The following KCNK9 variants were observed in gnomAD, a reference collection of about 807,000 sequenced individuals.
The protein encoded by KCNK9 is potassium channel subfamily K member 9.
KCNK9 carries 1 observed loss-of-function variant against 10.8 expected under a neutral mutation model. The ratio of observed to expected loss-of-function variants is 0.09; its 90% CI spans 0.03 to 0.44. The LOEUF (loss-of-function observed/expected upper bound fraction) is 0.44, where lower values mean the gene tolerates loss of function less well. Ranked by LOEUF, KCNK9 falls within the 20% of genes least tolerant of loss-of-function variation. The pLI, the probability that KCNK9 is intolerant of heterozygous loss-of-function variation, is 0.97. For missense variants in KCNK9, 303 were observed against 515.0 expected, an observed-to-expected ratio of 0.59 and a Z score of 3.98; for synonymous variants, 231 against 222.7, an observed-to-expected ratio of 1.04 and a Z score of -0.33.
At chr8:139,639,002 A>G (rs1250778128) in intron 1 of KCNK9, among the ~76,000 whole-genome samples, 3 of 151,430 alleles carry the variant, frequency 2.0e-5, no homozygotes, top group Non-Finnish European at 2.9e-5. Flanking sequence ...TTTCCTACCC[A>G]TGTCCCTCAT....
At chr8:139,651,090 T>C (rs2129674465) in intron 1 of KCNK9, among the ~76,000 whole-genome samples, 1 of 152,000 alleles carries the variant, frequency 6.6e-6, no homozygotes, top group East Asian at 1.9e-4. Context: ...TGTGGAAGAG[T>C]ACTGGGCTGC....
At chr8:139,687,486 A>ATATTCATATATATG (rs1816827645) in intron 1 of KCNK9, among the ~76,000 whole-genome samples, 5 of 68,156 alleles carry the variant, frequency 7.3e-5, no homozygotes, top group South Asian at 4.7e-4. Context: ...ATGTATACAT[A>ATATTCATATATATG]TATACACATA....
intron 1 of KCNK9, among the ~76,000 whole-genome samples, chr8:139,669,928 T>G (rs1225510873): frequency 6.6e-6 from 1 of 152,236 alleles, no homozygotes; most frequent in Non-Finnish European, 1.5e-5. Context: ...TTAGCAGGCA[T>G]GAAAACCTCA....
intron 1 of KCNK9, among the ~76,000 whole-genome samples, chr8:139,677,919 TACA>T (rs1213178105): frequency 0.011 from 1,624 of 147,618 alleles, 283 homozygotes; most frequent in African/African-American, 0.04. Flanking sequence ...TCCCCACAGC[TACA>T]GAGTAATACC....
rs1206689027 is a variant in KCNK9 at position 139,703,039 on chromosome 8, C to G, written c.-47G>C. 20 of 1,528,520 alleles carry G rather than the reference C, an allele frequency of 1.3e-5. No individual in the cohort carries two copies. The East Asian group carries it at 4.7e-4, about 36-fold the overall frequency. 94.7% of individuals were successfully genotyped at this position (1,528,520 alleles called of 1,614,324 possible). A position where few individuals can be genotyped will look rare whatever the true frequency, so the allele number is the denominator to read the frequency against. On this transcript the variant is annotated 5_prime_UTR_variant, in exon 1 of 2. Transcript: ENST00000520439. This position sits in a 1 kb window ranked among gnomAD's most constrained non-coding sequence, Gnocchi z 6.4. ...GCGGGGGGCATGTCCCGCAGGCTCACAGCCGCGCGCGTCCCACTGCAGCGC... is the reference window on the plus strand; with the variant it reads ...GCGGGGGGCATGTCCCGCAGGCTCAGAGCCGCGCGCGTCCCACTGCAGCGC...
intron 2 of KCNK9, among the ~76,000 whole-genome samples, chr8:139,603,162 A>G (rs1271786253): frequency 6.6e-6 from 1 of 152,234 alleles, no homozygotes; most frequent in African/African-American, 2.4e-5. Context: ...CATTATTTCC[A>G]TTAACAGGTA....
chr8:139,627,179 A>C (rs1417388873), intron 1 of KCNK9, among the ~76,000 whole-genome samples: 1 of 152,222 alleles, frequency 6.6e-6, no homozygotes, highest in Non-Finnish European at 1.5e-5. Context: ...GGAATGAAGC[A>C]GCCTCCTCCA....
chr8:139,695,524 AG>A (rs1363843194), intron 1 of KCNK9, among the ~76,000 whole-genome samples: 2 of 152,192 alleles, frequency 1.3e-5, no homozygotes, highest in Non-Finnish European at 2.9e-5. Context: ...TGACCTAAAA[AG>A]GGAGAGCTTT....
chr8:139,697,185 T>C (rs1158377631), intron 1 of KCNK9, among the ~76,000 whole-genome samples: 1 of 147,664 alleles, frequency 6.8e-6, no homozygotes, highest in East Asian at 2.1e-4. Context: ...GACAGATGGA[T>C]GGTGGATGGG....
chr8:139,625,051 C>A (rs1402645481), intron 1 of KCNK9, among the ~76,000 whole-genome samples: 1 of 152,224 alleles, frequency 6.6e-6, no homozygotes, highest in Non-Finnish European at 1.5e-5. Flanking sequence ...GCCCCCTCAC[C>A]TGGCCCCTCC....
intron 2 of KCNK9, among the ~76,000 whole-genome samples, chr8:139,602,815 C>G (rs911648158): frequency 1.3e-5 from 2 of 152,222 alleles, no homozygotes; most frequent in Non-Finnish European, 2.9e-5. Flanking sequence ...CCCCTGCAAG[C>G]TGGAACATCT....
At chr8:139,640,877 G>A (rs887043569) in intron 1 of KCNK9, among the ~76,000 whole-genome samples, 25 of 152,356 alleles carry the variant, frequency 1.6e-4, no homozygotes, top group Non-Finnish European at 2.2e-4. Context: ...GACGTGCACC[G>A]TCACTCGGAG....
intron 1 of KCNK9, among the ~76,000 whole-genome samples, chr8:139,691,072 G>A (rs1816924780): frequency 6.6e-6 from 1 of 152,100 alleles, no homozygotes; most frequent in Non-Finnish European, 1.5e-5. Flanking sequence ...AATCACACAC[G>A]GCACCCTTCC....
chr8:139,663,682 T>TGTGTGTGTGTGTG (rs1554624294), intron 1 of KCNK9, among the ~76,000 whole-genome samples: 22 of 145,826 alleles, frequency 1.5e-4, no homozygotes, highest in South Asian at 6.8e-4. Flanking sequence ...TGTGTGTGTG[T>TGTGTGTGTGTGTG]TAGAGAGAGA....
At chr8:139,612,238 T>C (rs1453433609), downstream of KCNK9, 2 of 152,266 alleles carry the variant, frequency 1.3e-5, no homozygotes, top group Non-Finnish European at 2.9e-5. Context: ...GAAAGGTTAC[T>C]TAGCCACAGC....
At chr8:139,690,782 G>T (rs1288198315) in intron 1 of KCNK9, among the ~76,000 whole-genome samples, 2 of 152,120 alleles carry the variant, frequency 1.3e-5, no homozygotes, top group Admixed American at 1.3e-4. Flanking sequence ...ATGACCTTGG[G>T]CAAGTCACCA....
chr8:139,689,957 A>G (rs142821634), intron 1 of KCNK9, among the ~76,000 whole-genome samples: 1 of 152,158 alleles, frequency 6.6e-6, no homozygotes, highest in Non-Finnish European at 1.5e-5. Flanking sequence ...GCCATCATTG[A>G]GCGAAAAACA....
rs1453443340 is a variant in KCNK9 at position 139,702,726 on chromosome 8, C to T, written c.267G>A (p.Thr89=). The change falls in exon 1 of 2, where the codon ACG becomes ACA. Residue 89 remains threonine, a synonymous_variant. Transcript: ENST00000520439. This position sits in a 1 kb window ranked among gnomAD's most constrained non-coding sequence, Gnocchi z 7.5. ...KFAGSFYFAI[T]VITTIGYGHA... is the part of the protein sequence containing the mutation. ...AGCCCTTACCTATGGTGGTGATGACCGTGATCGCAAAGTAGAAGGAGCCGG... is the reference window on the plus strand; with the variant it reads ...AGCCCTTACCTATGGTGGTGATGACTGTGATCGCAAAGTAGAAGGAGCCGG... 1 of 1,610,938 alleles carries T rather than the reference C, an allele frequency of 6.2e-7. No homozygotes were observed. The highest frequency in any genetic ancestry group is 1.7e-5 in the Admixed American group (1 of 59,854).
At chr8:139,640,614 T>G (rs1374526332) in intron 1 of KCNK9, among the ~76,000 whole-genome samples, 4 of 152,216 alleles carry the variant, frequency 2.6e-5, no homozygotes, top group Non-Finnish European at 1.5e-5. Context: ...CACCAGGGCC[T>G]GTGCAACCTA....
Sources: gnomAD v4.1 joint callset for allele counts (sites outside exome capture counted in the v4.1 genomes callset) on GRCh38, gnomAD v4.1.1 for gene constraint, Gnocchi (gnomAD v3.1) non-coding constraint, MANE v1.5 for transcripts, NCBI Gene and HGNC (gene_info 2026-07-23, HGNC 2026-07-21) for gene names.